Variants in IRS1 observed in about 807,000 individuals in gnomAD.
IRS1 encodes the protein insulin receptor substrate 1.
A neutral mutation model predicts 65.6 loss-of-function variants in IRS1; 34 were observed. The observed-to-expected ratio is 0.52, with a 90% CI of 0.39 to 0.69. The LOEUF (loss-of-function observed/expected upper bound fraction) is 0.69, where lower values mean the gene tolerates loss of function less well. Ranked by LOEUF, IRS1 falls within the 30% of genes least tolerant of loss-of-function variation. The pLI, the probability that IRS1 is intolerant of heterozygous loss-of-function variation, is 0.00. For missense variants in IRS1, 1,641 were observed against 1,720.2 expected, an observed-to-expected ratio of 0.95 and a Z score of 0.81; for synonymous variants, 699 against 683.5, an observed-to-expected ratio of 1.02 and a Z score of -0.35.
In IRS1 at chr2:226,798,959, C is replaced by T; in HGVS notation, c.-221G>A. On this transcript the variant is annotated 5_prime_UTR_variant, in exon 1 of 2. Coordinates refer to ENST00000305123, the MANE Select transcript of IRS1 (RefSeq NM_005544.3). The surrounding 1 kb of genome is among the most constrained non-coding windows in gnomAD (Gnocchi z 9.4). ...AGAGCCCGACCGGAGTTTTCGGGCG[C>T]TTCACGCCCGGCGGGGAGGCAGTGC... The T allele has an allele frequency of 6.9e-7, 1 of 1,444,370 alleles. No homozygotes were observed. Among genetic ancestry groups the T allele is most frequent in the South Asian group, 1.5e-5 (1 of 66,800 alleles). The allele number at this position is 1,444,370 out of a possible 1,614,324, so 89.5% of individuals were successfully genotyped here.
intron 1 of IRS1, among the ~76,000 whole-genome samples, chr2:226,777,937 A>G (rs1211015728): frequency 2.0e-5 from 3 of 152,180 alleles, no homozygotes; most frequent in Non-Finnish European, 4.4e-5. Flanking sequence ...TATATGTTGT[A>G]TTTGAAACCC....
intron 1 of IRS1, among the ~76,000 whole-genome samples, chr2:226,753,789 A>T (rs1256450145): frequency 6.6e-6 from 1 of 152,160 alleles, no homozygotes; most frequent in African/African-American, 2.4e-5. Context: ...GGGTTTGCTA[A>T]CTTTTTGAAA....
At chr2:226,775,624 C>T (rs1939258235) in intron 1 of IRS1, among the ~76,000 whole-genome samples, 1 of 152,178 alleles carries the variant, frequency 6.6e-6, no homozygotes, top group South Asian at 2.1e-4. Context: ...GAAATGACAT[C>T]TCAGTAGCAA....
At chr2:226,739,579 C>T (rs554862251) in intron 1 of IRS1, among the ~76,000 whole-genome samples, 33 of 152,274 alleles carry the variant, frequency 2.2e-4, no homozygotes, top group African/African-American at 6.5e-4. Context: ...TTGTTCCCAG[C>T]GAGGTATTAT....
chr2:226,758,469 T>C (rs1384393853), intron 1 of IRS1, among the ~76,000 whole-genome samples: 5 of 152,156 alleles, frequency 3.3e-5, no homozygotes, highest in Non-Finnish European at 7.4e-5. Flanking sequence ...CTAAATACTT[T>C]CCCAATATAC....
intron 1 of IRS1, among the ~76,000 whole-genome samples, chr2:226,762,004 C>A (rs978899531): frequency 1.3e-5 from 2 of 152,184 alleles, no homozygotes; most frequent in African/African-American, 4.8e-5. Context: ...TCAGAAAGAA[C>A]TAAAATGGCA....
chr2:226,747,055 G>A (rs1329726492), intron 1 of IRS1, among the ~76,000 whole-genome samples: 3 of 152,094 alleles, frequency 2.0e-5, no homozygotes, highest in African/African-American at 7.2e-5. Flanking sequence ...CTCCCAAAGT[G>A]CTGGGATTGC....
At chr2:226,745,746 C>G (rs1167226008) in intron 1 of IRS1, among the ~76,000 whole-genome samples, 1 of 152,178 alleles carries the variant, frequency 6.6e-6, no homozygotes, top group Non-Finnish European at 1.5e-5. Flanking sequence ...ACCCTTGGAT[C>G]CCACATCTTT....
intron 1 of IRS1, among the ~76,000 whole-genome samples, chr2:226,751,274 A>ATT (rs35699614): frequency 0.018 from 1,403 of 77,556 alleles, 184 homozygotes; most frequent in African/African-American, 0.044. Context: ...CCACACGGGT[A>ATT]TTTTTTTTTT....
intron 1 of IRS1, among the ~76,000 whole-genome samples, chr2:226,743,510 G>A (rs1359407154): frequency 6.6e-6 from 1 of 152,210 alleles, no homozygotes; most frequent in Non-Finnish European, 1.5e-5. Flanking sequence ...GATTACAGGT[G>A]TGGGCCATCG....
At chr2:226,739,264 G>T (rs962846053) in intron 1 of IRS1, among the ~76,000 whole-genome samples, 2 of 152,176 alleles carry the variant, frequency 1.3e-5, no homozygotes. Context: ...ACACCTGTTT[G>T]TCTTTGTACA....
Position 226,734,272 on chromosome 2 carries a change from A to C in IRS1, c.*2000T>G, listed in dbSNP as rs1938285048. 1 of 152,224 alleles carries C rather than the reference A, an allele frequency of 6.6e-6. No homozygotes were observed. The highest frequency in any genetic ancestry group is 1.5e-5 in the Non-Finnish European group (1 of 68,040). 9.4% of individuals were successfully genotyped at this position (152,224 alleles called of 1,614,324 possible). On this transcript the variant is annotated 3_prime_UTR_variant, in exon 2 of 2. Coordinates refer to ENST00000305123, the MANE Select transcript of IRS1 (RefSeq NM_005544.3). Reference sequence around the variant, plus strand: ...ATGGGTAGTGCTCTCTACTAATAGGAAATGATGTAATTCTGCAAGTTCCTT... The same window carrying C: ...ATGGGTAGTGCTCTCTACTAATAGGCAATGATGTAATTCTGCAAGTTCCTT...
chr2:226,766,161 A>ATTT (rs1312915502), intron 1 of IRS1, among the ~76,000 whole-genome samples: 3 of 5,460 alleles, frequency 5.5e-4, no homozygotes, highest in Non-Finnish European at 8.1e-4. Flanking sequence ...ATATATATAT[A>ATTT]TATTTTTTTT....
chr2:226,786,346 T>C (rs746391839), intron 1 of IRS1, among the ~76,000 whole-genome samples: 18 of 152,096 alleles, frequency 1.2e-4, no homozygotes, highest in Non-Finnish European at 2.2e-4. Flanking sequence ...AAGTAGTGTG[T>C]CCTTTTTTTT....
intron 1 of IRS1, among the ~76,000 whole-genome samples, chr2:226,783,422 A>T (rs983393534): frequency 6.6e-6 from 1 of 152,192 alleles, no homozygotes; most frequent in Non-Finnish European, 1.5e-5. Context: ...ATTTTGCAGT[A>T]GCATATTTCT....
rs942150215 is a variant in IRS1, at chr2:226,798,829, T to A, written c.-91A>T. 2.6e-6 allele frequency: 4 copies of A among 1,548,554 alleles called. No homozygotes were observed. The highest frequency in any genetic ancestry group is 4.9e-5 in the East Asian group (2 of 40,920). ...AGGCTCCTCGCCGCGGCCCGGCACA[T>A]GCAAACAGGGCTGGAGGCAGCAGAA... On this transcript the variant is annotated 5_prime_UTR_variant, in exon 1 of 2. The change abolishes an upstream ATG in the 5' untranslated region. Transcript: ENST00000305123. The surrounding 1 kb of genome is among the most constrained non-coding windows in gnomAD (Gnocchi z 9.4).
rs148328229 is a variant in IRS1 at position 226,795,550 on chromosome 2, T to C, written c.3189A>G (p.Pro1063=). 2.0e-5 allele frequency: 32 copies of C among 1,613,064 alleles called. No homozygotes were observed. In the African/African-American group the frequency reaches 3.6e-4, roughly 18 times the overall value. Reference sequence around the variant, plus strand: ...AGGCGCTCATGCCCCCAGGTCCTTGTGGGCCCCCCAGCAGGGACGAGTGGG... The same window carrying C: ...AGGCGCTCATGCCCCCAGGTCCTTGCGGGCCCCCCAGCAGGGACGAGTGGG... ...LAAHSSLLGG[P]QGPGGMSAFT... is the part of the protein sequence containing the mutation. The change falls in exon 1 of 2, where the codon CCA becomes CCG. Residue 1063 remains proline, a synonymous_variant. Transcript: ENST00000305123.
intron 1 of IRS1, among the ~76,000 whole-genome samples, chr2:226,739,153 C>T (rs890558702): frequency 1.3e-5 from 2 of 152,182 alleles, no homozygotes; most frequent in South Asian, 2.1e-4. Flanking sequence ...TCAAGTGCAT[C>T]GACACCTTCC....
Position 226,797,800 on chromosome 2 carries a change from C to CGGG in IRS1, c.936_938dup (p.Pro313dup). ...CTGGCTTCCCGCCCACCATGCTGGC[C>CGGG]GGGGAGGTGGCGGTGATGCTCTCAG... On this transcript the variant is annotated inframe_insertion, in exon 1 of 2. Coordinates refer to ENST00000305123, the MANE Select transcript of IRS1 (RefSeq NM_005544.3). This position sits in a 1 kb window ranked among gnomAD's most constrained non-coding sequence, Gnocchi z 8.1. 1 of 1,599,398 alleles carries CGGG rather than the reference C, an allele frequency of 6.3e-7. No homozygotes were observed. The highest frequency in any genetic ancestry group is 8.5e-7 in the Non-Finnish European group (1 of 1,174,450).
Sources: allele counts gnomAD v4.1 joint callset (sites outside exome capture counted in the v4.1 genomes callset), GRCh38; gene constraint gnomAD v4.1.1; non-coding constraint Gnocchi (gnomAD v3.1); transcripts MANE v1.5; gene names NCBI Gene and HGNC (gene_info 2026-07-23, HGNC 2026-07-21).